TULP4: variants seen among roughly 807,000 people sequenced by gnomAD.
TULP4 encodes TUB like protein 4.
In TULP4, 16 loss-of-function variants were observed where a neutral mutation model predicts 129.0. The observed-to-expected ratio is 0.12, with a 90% CI of 0.08 to 0.19. TULP4 has a LOEUF of 0.19. TULP4 is among the 10% of genes least tolerant of loss of function. The pLI, the probability that TULP4 is intolerant of heterozygous loss-of-function variation, is 1.00. For synonymous variants in TULP4, 998 were observed against 854.0 expected (o/e 1.17, Z -2.94); for missense variants, 1,842 against 2,059.1 (o/e 0.89, Z 2.04).
intron 8 of TULP4, among the ~76,000 whole-genome samples, chr6:158,481,961 A>G (rs746591187): frequency 6.6e-6 from 1 of 152,092 alleles, no homozygotes; most frequent in African/African-American, 2.4e-5. Context: ...GTGTCCGTGC[A>G]CCCATCAGTC....
Position 158,486,100 on chromosome 6 carries a change from A to G in TULP4, c.1487-3488A>G, listed in dbSNP as rs544344730. ...TATTTTGCATGGGAGAAGAACATGA[A>G]TCTGAGAGTGGCCAGGAGTCCTGTG... On this transcript the variant is annotated intron_variant, in intron 8 of 13. Transcript: ENST00000367097. Among the ~76,000 whole-genome samples, 289 of 152,320 alleles carry G rather than the reference A, an allele frequency of 1.9e-3. 2 individuals are homozygous for G. The highest frequency in any genetic ancestry group is 3.2e-4 in the Non-Finnish European group (22 of 68,040).
intron 6 of TULP4, among the ~76,000 whole-genome samples, chr6:158,466,492 C>T (rs1779557559): frequency 6.6e-6 from 1 of 152,134 alleles, no homozygotes; most frequent in Non-Finnish European, 1.5e-5. Flanking sequence ...CGTGTATCTT[C>T]TTTTGAGAAA....
At chr6:158,312,060 A>G (rs1470043864), upstream of TULP4, 1 of 396,444 alleles carries the variant, frequency 2.5e-6, no homozygotes, top group Non-Finnish European at 4.4e-6. Flanking sequence ...GATTTGTAAG[A>G]CTCCAGGGCC....
In TULP4 at chr6:158,507,246, T is replaced by A. The variant is rs1023844921; in HGVS notation, c.*552T>A. 1.3e-5 allele frequency: 2 copies of A among 157,892 alleles called. No individual in the cohort carries two copies. Among genetic ancestry groups the A allele is most frequent in the African/African-American group, 4.8e-5 (2 of 41,468 alleles). The allele number at this position is 157,892 out of a possible 1,614,324, so 9.8% of individuals were successfully genotyped here. On this transcript the variant is annotated 3_prime_UTR_variant, in exon 14 of 14. Coordinates refer to ENST00000367097, the MANE Select transcript of TULP4 (RefSeq NM_020245.5). ...ATAAAGGGCATTTGGGCAGACACACTGTGTTGGACCAACAAAGTAGGCTCT... is the reference window on the plus strand; with the variant it reads ...ATAAAGGGCATTTGGGCAGACACACAGTGTTGGACCAACAAAGTAGGCTCT...
chr6:158,279,247 A>G (rs915299503), upstream of TULP4, among the ~76,000 whole-genome samples: 1 of 152,158 alleles, frequency 6.6e-6, no homozygotes, highest in East Asian at 1.9e-4. Flanking sequence ...CGGCCTGGCT[A>G]TAGTTTTTGA....
intron 1 of TULP4, among the ~76,000 whole-genome samples, chr6:158,351,853 C>G (rs1450707937): frequency 6.6e-6 from 1 of 151,008 alleles, no homozygotes; most frequent in East Asian, 2.0e-4. Flanking sequence ...TCCCGAGTAG[C>G]TGGGATTATA....
At chr6:158,326,688 T>C (rs1779755205) in intron 1 of TULP4, among the ~76,000 whole-genome samples, 1 of 152,206 alleles carries the variant, frequency 6.6e-6, no homozygotes, top group South Asian at 2.1e-4. Context: ...TGTCTTCACA[T>C]TTCCAGAGTT....
chr6:158,392,349 AT>A (rs1435974758), intron 1 of TULP4, among the ~76,000 whole-genome samples: 9 of 152,162 alleles, frequency 5.9e-5, no homozygotes, highest in Non-Finnish European at 4.4e-5. Context: ...TCAAGATGAG[AT>A]TTGGGTGGAG....
In TULP4 at chr6:158,502,888, C is replaced by T. The variant is rs149238838; in HGVS notation, c.3225C>T (p.Asp1075=). The T allele has an allele frequency of 4.6e-5, 74 of 1,614,008 alleles. No individual in the cohort carries two copies. In the African/African-American group the frequency reaches 8.0e-4, roughly 17 times the overall value. Residue 1075 remains aspartate (D), a synonymous_variant, in exon 13 of 14, where the codon GAC becomes GAT. Transcript: ENST00000367097. The stretch of plus-strand genomic sequence containing the variant: ...CCTACAGCCTCCTGAGCCCACCCGA[C>T]AGCGCCCGCGACCGCACCGACTACG... ...QSSYSLLSPP[D]SARDRTDYVN... is the part of the protein sequence containing the mutation.
intron 1 of TULP4, among the ~76,000 whole-genome samples, chr6:158,360,434 T>A (rs1323499187): frequency 6.6e-6 from 1 of 152,168 alleles, no homozygotes; most frequent in East Asian, 1.9e-4. Context: ...GCTGTATTCT[T>A]ATATGTCATA....
Position 158,507,479 on chromosome 6 carries a change from C to T in TULP4, c.*785C>T, listed in dbSNP as rs1269638591. On this transcript the variant is annotated 3_prime_UTR_variant, in exon 14 of 14. Coordinates refer to ENST00000367097, the MANE Select transcript of TULP4 (RefSeq NM_020245.5). ...CTACATTGAAAGCCTCCACTAGTTT[C>T]ATCGTTTGTCAAAGTTCCGTAGGAT... The T allele has an allele frequency of 6.6e-6, 1 of 152,216 alleles. No individual in the cohort carries two copies. Among genetic ancestry groups the T allele is most frequent in the Non-Finnish European group, 1.5e-5 (1 of 68,034 alleles). The allele number at this position is 152,216 out of a possible 1,614,324, so 9.4% of individuals were successfully genotyped here.
intron 1 of TULP4, among the ~76,000 whole-genome samples, chr6:158,340,240 CTAAT>C (rs1169753038): frequency 3.3e-5 from 5 of 152,120 alleles, no homozygotes; most frequent in East Asian, 1.9e-4. Flanking sequence ...TGTTTTATAA[CTAAT>C]TAGCCATTAA....
chr6:158,247,336 T>A (rs1302100527), intron 1 of TULP4, among the ~76,000 whole-genome samples: 1 of 152,236 alleles, frequency 6.6e-6, no homozygotes, highest in East Asian at 1.9e-4. Context: ...AAGATTTTTA[T>A]GAAAGAAAGC....
chr6:158,239,142 C>T (rs1400480924), intron 1 of TULP4, among the ~76,000 whole-genome samples: 9 of 110,928 alleles, frequency 8.1e-5, no homozygotes, highest in South Asian at 3.1e-4. Flanking sequence ...CGGGCAGAGG[C>T]GCCCCTCACC....
At chr6:158,338,998 C>G (rs1406396863) in intron 1 of TULP4, among the ~76,000 whole-genome samples, 1 of 152,170 alleles carries the variant, frequency 6.6e-6, no homozygotes, top group South Asian at 2.1e-4. Context: ...CTGAGTCTTA[C>G]ACTTGGGAAA....
intron 1 of TULP4, among the ~76,000 whole-genome samples, chr6:158,261,793 A>G (rs995284691): frequency 6.6e-6 from 1 of 151,780 alleles, no homozygotes; most frequent in Non-Finnish European, 1.5e-5. Flanking sequence ...TTTCTCTTTC[A>G]CCATCTTTAG....
At chr6:158,385,488 C>G (rs373432638) in intron 1 of TULP4, among the ~76,000 whole-genome samples, 3 of 152,094 alleles carry the variant, frequency 2.0e-5, no homozygotes, top group African/African-American at 7.2e-5. Flanking sequence ...CGAATAAATG[C>G]GTCACCTTTG....
intron 1 of TULP4, chr6:158,241,842 C>T (rs934386852): frequency 1.6e-6 from 1 of 621,148 alleles, no homozygotes; most frequent in Admixed American, 2.3e-5. Context: ...ATCTGCCTGC[C>T]TCCGCCTCCC....
intron 1 of TULP4, among the ~76,000 whole-genome samples, chr6:158,258,898 A>C (rs925920174): frequency 6.6e-6 from 1 of 152,236 alleles, no homozygotes; most frequent in Admixed American, 6.5e-5. Flanking sequence ...GTAGCTTGAC[A>C]TGGGATATAT....
Sources: allele counts gnomAD v4.1 joint callset (sites outside exome capture counted in the v4.1 genomes callset), GRCh38; gene constraint gnomAD v4.1.1; transcripts MANE v1.5; gene names NCBI Gene and HGNC (gene_info 2026-07-23, HGNC 2026-07-21).